CAMK4: variants seen among roughly 807,000 people sequenced by gnomAD.
CAMK4 encodes calcium/calmodulin-dependent protein kinase type IV.
Under a neutral mutation model 44.9 loss-of-function variants are expected in CAMK4, and 22 were observed. The ratio of observed to expected loss-of-function variants is 0.49; its 90% CI spans 0.35 to 0.70. The LOEUF (loss-of-function observed/expected upper bound fraction) is 0.70. Among genes scored for constraint, CAMK4 ranks in the 30% least tolerant of loss-of-function variants. CAMK4 has a pLI of 0.01. For missense variants in CAMK4, 498 were observed against 586.8 expected (o/e 0.85, Z 1.56); for synonymous variants, 218 against 215.4 (o/e 1.01, Z -0.11).
intron 4 of CAMK4, among the ~76,000 whole-genome samples, chr5:111,381,684 A>G: frequency 6.6e-6 from 1 of 152,192 alleles, no homozygotes; most frequent in Admixed American, 6.5e-5. Context: ...AATCAAGTTG[A>G]CACTCAATAT....
intron 5 of CAMK4, among the ~76,000 whole-genome samples, chr5:111,440,097 G>A (rs1753774327): frequency 6.6e-6 from 1 of 152,200 alleles, no homozygotes; most frequent in African/African-American, 2.4e-5. Context: ...GGAGGTAGTG[G>A]TTGCTTTCTT....
At chr5:111,301,620 C>T (rs1316157755) in intron 1 of CAMK4, among the ~76,000 whole-genome samples, 6 of 152,134 alleles carry the variant, frequency 3.9e-5, no homozygotes, top group South Asian at 2.1e-4. Flanking sequence ...GGGGTACCAG[C>T]GTCTGGATAA....
At chr5:111,396,494 C>T (rs1267867608) in intron 5 of CAMK4, among the ~76,000 whole-genome samples, 1 of 152,022 alleles carries the variant, frequency 6.6e-6, no homozygotes, top group Non-Finnish European at 1.5e-5. Context: ...TCTTATCTTA[C>T]ATAGACCTTT....
At chr5:111,354,304 G>A (rs887458238) in intron 2 of CAMK4, among the ~76,000 whole-genome samples, 1 of 152,086 alleles carries the variant, frequency 6.6e-6, no homozygotes, top group Non-Finnish European at 1.5e-5. Context: ...ATGGAGGTAT[G>A]TAGGTCAAAG....
At chr5:111,447,875 G>A (rs183590011) in intron 6 of CAMK4, among the ~76,000 whole-genome samples, 1 of 152,366 alleles carries the variant, frequency 6.6e-6, no homozygotes, top group East Asian at 1.9e-4. Flanking sequence ...AATCACTCCT[G>A]TAAGGCAGGG....
intron 1 of CAMK4, among the ~76,000 whole-genome samples, chr5:111,330,038 T>C (rs976805431): frequency 1.3e-5 from 2 of 151,328 alleles, no homozygotes; most frequent in African/African-American, 4.8e-5. Flanking sequence ...AAACTATTTA[T>C]TCAGATAAAA....
chr5:111,343,627 C>T (rs1414807604), intron 1 of CAMK4, among the ~76,000 whole-genome samples: 2 of 151,728 alleles, frequency 1.3e-5, no homozygotes, highest in African/African-American at 4.8e-5. Context: ...TAAACCCTCT[C>T]CCTGAAGTCA....
chr5:111,331,859 A>G (rs1229017184), intron 1 of CAMK4, among the ~76,000 whole-genome samples: 2 of 151,640 alleles, frequency 1.3e-5, no homozygotes, highest in Non-Finnish European at 2.9e-5. Flanking sequence ...TACTTTGAAA[A>G]TTATATATTT....
intron 5 of CAMK4, among the ~76,000 whole-genome samples, chr5:111,432,103 T>C (rs1412433728): frequency 6.6e-6 from 1 of 152,132 alleles, no homozygotes; most frequent in Non-Finnish European, 1.5e-5. Flanking sequence ...GGAAGCAACC[T>C]AAGTGTCTAT....
intron 1 of CAMK4, among the ~76,000 whole-genome samples, chr5:111,328,619 G>A (rs1033531431): frequency 4.3e-4 from 65 of 151,946 alleles, no homozygotes; most frequent in Admixed American, 9.2e-4. Context: ...CCATTTTCAC[G>A]ATATTGATTC....
chr5:111,260,448 C>T (rs1459130165), intron 1 of CAMK4, among the ~76,000 whole-genome samples: 1 of 152,144 alleles, frequency 6.6e-6, no homozygotes, highest in African/African-American at 2.4e-5. Context: ...TCTTTCTTCA[C>T]CTGCTGGCTA....
rs1554072219 is a variant in CAMK4 at position 111,443,337 on chromosome 5, C to CTATATATAG, written c.460-3341_460-3340insGTATATATA. 8.7e-3 allele frequency among the ~76,000 whole-genome samples: 1,011 copies of CTATATATAG among 115,608 alleles called. 11 individuals carry two copies. Among genetic ancestry groups the CTATATATAG allele is most frequent in the African/African-American group, 0.03 (956 of 31,524 alleles). 75.8% of individuals were successfully genotyped at this position (115,608 alleles called of 152,430 possible). ...ACACTATATATATATACTATATATA[C>CTATATATAG]TATATATATACTATATATATAGTAT... is the stretch of plus-strand genomic sequence containing the variant. On this transcript the variant is annotated intron_variant, in intron 5 of 10. Transcript: ENST00000282356.
chr5:111,456,219 C>T (rs375597773), intron 7 of CAMK4, among the ~76,000 whole-genome samples: 3 of 152,002 alleles, frequency 2.0e-5, no homozygotes, highest in Non-Finnish European at 2.9e-5. Flanking sequence ...AAAAATTTCT[C>T]GGCCGGGCGC....
At chr5:111,436,214 G>A (rs771007159) in intron 5 of CAMK4, among the ~76,000 whole-genome samples, 10 of 152,290 alleles carry the variant, frequency 6.6e-5, no homozygotes, top group Non-Finnish European at 1.5e-4. Flanking sequence ...TTCCACCAGT[G>A]CCATATAGTT....
intron 1 of CAMK4, among the ~76,000 whole-genome samples, chr5:111,225,680 T>C (rs1256924709): frequency 6.6e-6 from 1 of 152,176 alleles, no homozygotes. Context: ...TTTCAAGTCA[T>C]TGGAGGATCC....
chr5:111,397,728 A>T (rs1318989683), intron 5 of CAMK4, among the ~76,000 whole-genome samples: 1 of 145,232 alleles, frequency 6.9e-6, no homozygotes, highest in African/African-American at 2.6e-5. Flanking sequence ...GTACTTTTTC[A>T]TGTTTCTAGT....
At position 111,224,548 on chromosome 5, in the gene CAMK4, C is replaced by T; in HGVS notation, c.65C>T (p.Ala22Val). 1 of 1,611,716 alleles carries T rather than the reference C, an allele frequency of 6.2e-7. No individual in the cohort carries two copies. Among genetic ancestry groups the T allele is most frequent in the Non-Finnish European group, 8.5e-7 (1 of 1,179,422 alleles). The part of the protein sequence containing the change: ...SSCSSVTASA[A>V]PGTASLVPDY... ...TGCTCTTCGGTCACCGCCAGTGCGGCCCCGGGGACCGCGAGCCTCGTCCCG... is the reference window on the plus strand; with the variant it reads ...TGCTCTTCGGTCACCGCCAGTGCGGTCCCGGGGACCGCGAGCCTCGTCCCG... Residue 22 changes from alanine to valine, a missense_variant, in exon 1 of 11, where the codon GCC becomes GTC. Physicochemically the swap from Ala to Val is moderately conservative, Grantham distance 64. Transcript: ENST00000282356. The surrounding 1 kb of genome is among the most constrained non-coding windows in gnomAD (Gnocchi z 5.7).
intron 5 of CAMK4, among the ~76,000 whole-genome samples, chr5:111,425,744 C>T (rs963286479): frequency 6.6e-6 from 1 of 152,126 alleles, no homozygotes; most frequent in Non-Finnish European, 1.5e-5. Flanking sequence ...CACCAGAAAA[C>T]ACATGTATAT....
chr5:111,468,762 A>G (rs1465578734), intron 7 of CAMK4, among the ~76,000 whole-genome samples: 7 of 152,042 alleles, frequency 4.6e-5, no homozygotes, highest in Non-Finnish European at 1.0e-4. Flanking sequence ...GGTGGATCAC[A>G]ACGTCAGGAG....
Sources: allele counts gnomAD v4.1 joint callset (sites outside exome capture counted in the v4.1 genomes callset), GRCh38; gene constraint gnomAD v4.1.1; non-coding constraint Gnocchi (gnomAD v3.1); transcripts MANE v1.5; gene names NCBI Gene and HGNC (gene_info 2026-07-23, HGNC 2026-07-21).